HS3ST4: variants seen among roughly 807,000 people sequenced by gnomAD.
HS3ST4 encodes the protein heparan sulfate glucosamine 3-O-sulfotransferase 4.
Under a neutral mutation model 29.2 loss-of-function variants are expected in HS3ST4, and 17 were observed. The observed-to-expected ratio is 0.58, with a 90% CI of 0.40 to 0.87. The LOEUF is 0.87. HS3ST4 is among the 40% of genes least tolerant of loss of function. The pLI, the probability that HS3ST4 is intolerant of heterozygous loss-of-function variation, is 0.00. For missense variants in HS3ST4, 627 were observed against 634.5 expected, an observed-to-expected ratio of 0.99 and a Z score of 0.13; for synonymous variants, 314 against 285.7, an observed-to-expected ratio of 1.10 and a Z score of -1.00.
chr16:25,949,389 C>A (rs944556564), intron 1 of HS3ST4, among the ~76,000 whole-genome samples: 1 of 152,194 alleles, frequency 6.6e-6, no homozygotes, highest in Non-Finnish European at 1.5e-5. Context: ...TTCCCAGTCC[C>A]TGCTAACCAT....
rs376433166 is a variant in HS3ST4 at position 25,786,147 on chromosome 16, T to C, written c.734+92996T>C. On this transcript the variant is annotated intron_variant, in intron 1 of 1. Transcript: ENST00000331351. ...GTGACACTCACTAAACCAGGGAAGATTGGAAAATGACTAGGTCTGGGGGGA... is the reference window on the plus strand; with the variant it reads ...GTGACACTCACTAAACCAGGGAAGACTGGAAAATGACTAGGTCTGGGGGGA... 3.3e-4 allele frequency among the ~76,000 whole-genome samples: 50 copies of C among 152,050 alleles called. 1 individual carries two copies. The East Asian group carries it at 6.0e-3, about 18-fold the overall frequency.
chr16:25,933,945 G>A (rs535214267), intron 1 of HS3ST4, among the ~76,000 whole-genome samples: 1 of 152,302 alleles, frequency 6.6e-6, no homozygotes, highest in African/African-American at 2.4e-5. Flanking sequence ...CAGCATTGGA[G>A]GTCGCATGTG....
intron 1 of HS3ST4, among the ~76,000 whole-genome samples, chr16:26,052,768 G>C (rs1898362668): frequency 6.6e-6 from 1 of 152,212 alleles, no homozygotes; most frequent in African/African-American, 2.4e-5. Flanking sequence ...GCCCTCAACA[G>C]TCCTCACCAA....
intron 1 of HS3ST4, among the ~76,000 whole-genome samples, chr16:25,924,716 A>G (rs935126493): frequency 6.6e-6 from 1 of 152,120 alleles, no homozygotes; most frequent in Admixed American, 6.5e-5. Flanking sequence ...TCCCTCTATT[A>G]TAAAATGTAG....
chr16:26,047,338 C>T (rs1341681343), intron 1 of HS3ST4, among the ~76,000 whole-genome samples: 4 of 152,200 alleles, frequency 2.6e-5, no homozygotes, highest in African/African-American at 4.8e-5. Flanking sequence ...GTGAAAATTC[C>T]TTGAGGGCCC....
intron 1 of HS3ST4, among the ~76,000 whole-genome samples, chr16:25,907,406 T>G (rs948622964): frequency 6.6e-6 from 1 of 152,090 alleles, no homozygotes; most frequent in African/African-American, 2.4e-5. Context: ...ACGTGTTACC[T>G]TTTTTTCCAC....
At chr16:25,989,472 T>C (rs1039267729) in intron 1 of HS3ST4, among the ~76,000 whole-genome samples, 1 of 152,252 alleles carries the variant, frequency 6.6e-6, no homozygotes, top group Non-Finnish European at 1.5e-5. Context: ...TGGATTTCCA[T>C]GGCATGGTTG....
chr16:25,828,301 C>CTTTCCCTCTCT (rs1555467593), intron 1 of HS3ST4, among the ~76,000 whole-genome samples: 1 of 32,898 alleles, frequency 3.0e-5, no homozygotes, highest in Non-Finnish European at 5.5e-5. Context: ...TCTTTCTTTC[C>CTTTCCCTCTCT]CTCTCTCTCT....
intron 1 of HS3ST4, among the ~76,000 whole-genome samples, chr16:25,898,943 C>A (rs1968096307): frequency 6.6e-6 from 1 of 152,210 alleles, no homozygotes; most frequent in Non-Finnish European, 1.5e-5. Context: ...CTCTCCTATT[C>A]GCTAACAGCA....
intron 1 of HS3ST4, among the ~76,000 whole-genome samples, chr16:26,071,967 C>T (rs571841074): frequency 2.3e-4 from 35 of 152,302 alleles, no homozygotes; most frequent in African/African-American, 8.4e-4. Flanking sequence ...CCAAATGACT[C>T]TCCCATCTTC....
intron 1 of HS3ST4, among the ~76,000 whole-genome samples, chr16:26,057,145 C>A (rs1256052325): frequency 1.3e-5 from 2 of 152,074 alleles, no homozygotes; most frequent in Non-Finnish European, 2.9e-5. Context: ...GGAAATATTC[C>A]AAAATTTGAA....
chr16:26,007,810 G>A (rs1031794620), intron 1 of HS3ST4, among the ~76,000 whole-genome samples: 3 of 152,082 alleles, frequency 2.0e-5, no homozygotes, highest in African/African-American at 7.2e-5. Flanking sequence ...AGTATCAAGG[G>A]AAGCTGCTTC....
intron 1 of HS3ST4, among the ~76,000 whole-genome samples, chr16:25,774,941 G>A (rs1392600097): frequency 2.0e-5 from 3 of 152,126 alleles, no homozygotes; most frequent in African/African-American, 2.4e-5. Flanking sequence ...TCATAGCATG[G>A]CATCTGGTGG....
chr16:25,839,846 G>A (rs1967395400), intron 1 of HS3ST4, among the ~76,000 whole-genome samples: 1 of 152,164 alleles, frequency 6.6e-6, no homozygotes, highest in African/African-American at 2.4e-5. Context: ...TCAGCACTGC[G>A]AACTTTATGT....
At chr16:25,832,353 G>A (rs1488607374) in intron 1 of HS3ST4, among the ~76,000 whole-genome samples, 2 of 152,138 alleles carry the variant, frequency 1.3e-5, no homozygotes, top group Admixed American at 1.3e-4. Context: ...AGAGCCCCTG[G>A]GCTGGCGGAG....
intron 1 of HS3ST4, among the ~76,000 whole-genome samples, chr16:26,033,013 T>C (rs1434678493): frequency 1.3e-5 from 2 of 152,124 alleles, no homozygotes; most frequent in African/African-American, 2.4e-5. Context: ...TTTCTTTACA[T>C]CCATGGGAGG....
At chr16:26,059,211 T>A (rs897029332) in intron 1 of HS3ST4, among the ~76,000 whole-genome samples, 5 of 152,072 alleles carry the variant, frequency 3.3e-5, no homozygotes, top group African/African-American at 9.7e-5. Context: ...GTTCAAGGGT[T>A]CAGGGTGGCA....
At chr16:25,793,815 T>C (rs1452364435) in intron 1 of HS3ST4, among the ~76,000 whole-genome samples, 6 of 152,018 alleles carry the variant, frequency 3.9e-5, no homozygotes, top group Non-Finnish European at 2.9e-5. Context: ...TTTTTACCTT[T>C]TTACAGTTTT....
intron 1 of HS3ST4, among the ~76,000 whole-genome samples, chr16:25,727,368 A>G (rs12446348): frequency 6.6e-6 from 1 of 152,212 alleles, no homozygotes; most frequent in Non-Finnish European, 1.5e-5. Context: ...GAAGAGAAAA[A>G]CAAGATGCAG....
Sources: allele counts gnomAD v4.1 joint callset (sites outside exome capture counted in the v4.1 genomes callset), GRCh38; gene constraint gnomAD v4.1.1; transcripts MANE v1.5; gene names NCBI Gene and HGNC (gene_info 2026-07-23, HGNC 2026-07-21).